The following PRX variants were observed in gnomAD, a reference collection of about 807,000 sequenced individuals.
PRX encodes periaxin.
PRX carries 24 observed loss-of-function variants against 29.6 expected under a neutral mutation model. The ratio of observed to expected loss-of-function variants is 0.81; its 90% CI spans 0.59 to 1.14. The LOEUF (loss-of-function observed/expected upper bound fraction) is 1.14. PRX is among the 50% of genes most tolerant of loss of function. PRX has a pLI of 0.00. For synonymous variants in PRX, 772 were observed against 831.7 expected (o/e 0.93, Z 1.24); for missense variants, 1,838 against 1,926.4 (o/e 0.95, Z 0.86).
chr19:40,398,301 A>C lies in PRX; in HGVS notation c.381+319T>G. The C allele has an allele frequency of 7.0e-7, 1 of 1,421,604 alleles. No homozygotes were observed. Among genetic ancestry groups the C allele is most frequent in the Non-Finnish European group, 9.2e-7 (1 of 1,091,852 alleles). The allele number at this position is 1,421,604 out of a possible 1,614,324, so 88.1% of individuals were successfully genotyped here. The stretch of plus-strand genomic sequence containing the variant: ...GAAACAACTTTGTCCAGGGCCACTC[A>C]GCAGTAATTGGGCCAGCACTCAGGC... On this transcript the variant is annotated intron_variant, in intron 6 of 6. Transcript: ENST00000324001. The surrounding 1 kb of genome is among the most constrained non-coding windows in gnomAD (Gnocchi z 6.3).
chr19:40,403,129 C>T (rs550624959), intron 5 of PRX, among the ~76,000 whole-genome samples: 2 of 152,312 alleles, frequency 1.3e-5, no homozygotes, highest in East Asian at 3.9e-4. Context: ...GAGATCGTGC[C>T]ATTGCACTCC....
At chr19:40,399,192 T>C (rs1568711042) in intron 5 of PRX, among the ~76,000 whole-genome samples, 1 of 152,080 alleles carries the variant, frequency 6.6e-6, no homozygotes, top group Non-Finnish European at 1.5e-5. Flanking sequence ...GCCTTCCTGT[T>C]CCTGGGGATG....
rs757381967 is a variant in PRX at position 40,397,765 on chromosome 19, C to G, written c.587G>C (p.Arg196Pro). Reference protein sequence around the residue: ...RRLQLPRLRVREVAEEAQAAR... With the variant: ...RRLQLPRLRVPEVAEEAQAAR... ...TGCCTGAGCCTCTTCGGCCACTTCTCGTACACGCAGCCGAGGCAGCTGGAG... is the reference window on the plus strand; with the variant it reads ...TGCCTGAGCCTCTTCGGCCACTTCTGGTACACGCAGCCGAGGCAGCTGGAG... The change falls in exon 7 of 7, where the codon CGA becomes CCA. Residue 196 changes from arginine (R) to proline (P), a missense_variant. By Grantham distance (103) the Arg-to-Pro change is moderately radical (BLOSUM62 -2). Around this residue, in one of 3 missense-constraint regions of PRX, gnomAD observed 666 missense variants for 665.0 expected, o/e 1.00. Transcript: ENST00000324001. 10 of 1,566,842 alleles carry G rather than the reference C, an allele frequency of 6.4e-6. No homozygotes were observed. Among genetic ancestry groups the G allele is most frequent in the Admixed American group, 1.9e-5 (1 of 52,086 alleles).
At chr19:40,407,881 C>T (rs184448497) in intron 4 of PRX, 25 bp downstream of exon 4, 2 of 1,612,882 alleles carry the variant, frequency 1.2e-6, no homozygotes, top group East Asian at 4.5e-5. Context: ...CTCAAGTGCG[C>T]CTTGCAGGAC....
chr19:40,411,849 A>G (rs1365614835), intron 1 of PRX, among the ~76,000 whole-genome samples: 1 of 152,156 alleles, frequency 6.6e-6, no homozygotes, highest in African/African-American at 2.4e-5. Flanking sequence ...CCAGCAGCCT[A>G]TTTCTTGGGT....
upstream of PRX, among the ~76,000 whole-genome samples, chr19:40,413,555 A>G (rs897843102): frequency 1.3e-5 from 2 of 152,050 alleles, no homozygotes; most frequent in African/African-American, 4.8e-5. Context: ...GACAGCCACC[A>G]GCCGCCTCTC....
intron 4 of PRX, chr19:40,407,611 C>T (rs1300394490): frequency 1.8e-6 from 1 of 558,288 alleles, no homozygotes; most frequent in Non-Finnish European, 3.2e-6. Context: ...TATGCTGCCT[C>T]TTCTGATGAA....
intron 5 of PRX, among the ~76,000 whole-genome samples, chr19:40,399,913 C>CTTTCTTTCTTTCTTTCTT (rs1568712066): frequency 8.7e-6 from 1 of 114,994 alleles, no homozygotes; most frequent in African/African-American, 3.7e-5. Context: ...CTTTTTCTTT[C>CTTTCTTTCTTTCTTTCTT]TTTCTTTCTT....
rs372715275 is a variant in PRX at position 40,395,102 on chromosome 19, C to T, written c.3250G>A (p.Gly1084Arg). The T allele has an allele frequency of 1.9e-6, 3 of 1,613,784 alleles. No individual in the cohort carries two copies. The African/African-American group carries it at 4.0e-5, about 22-fold the overall frequency. ...AEVQGDRASP[G>R]EKAESTAVQL... Reference sequence around the variant, plus strand: ...ACAGCGGTGGACTCAGCCTTTTCCCCCGGGCTGGCACGATCACCTTGAACT... The same window carrying T: ...ACAGCGGTGGACTCAGCCTTTTCCCTCGGGCTGGCACGATCACCTTGAACT... The change falls in exon 7 of 7, where the codon GGG (glycine) becomes AGG (arginine). Residue 1084 changes from glycine (G) to arginine (R), a missense_variant. Gly to Arg is a moderately radical substitution (Grantham distance 125). Coordinates refer to ENST00000324001, the MANE Select transcript of PRX (RefSeq NM_181882.3).
rs139120811 is a variant in PRX, at chr19:40,394,630, C to T, written c.3722G>A (p.Gly1241Asp). ...TGTGGGCAACTTCAGCCTCAGCCCA[C>T]CCTCGCCTGTGGCCGCCTCGCCCGC... ...AQAGEAATGE[G>D]GLRLKLPTLG... The change falls in exon 7 of 7, where the codon GGT becomes GAT. Residue 1241 changes from glycine to aspartate, a missense_variant. Physicochemically the swap from Gly to Asp is moderately conservative, Grantham distance 94 (BLOSUM62 -1). Around this residue, in one of 3 missense-constraint regions of PRX, gnomAD observed 1,143 missense variants for 1,193.0 expected, o/e 0.96. Transcript: ENST00000324001. The surrounding 1 kb of genome is among the most constrained non-coding windows in gnomAD (Gnocchi z 5.8). 30 of 1,607,548 alleles carry T rather than the reference C, an allele frequency of 1.9e-5. No homozygotes were observed. Among genetic ancestry groups the T allele is most frequent in the Admixed American group, 5.0e-5 (3 of 59,978 alleles).
rs747820251 is a variant in PRX, at chr19:40,395,754, G to A, written c.2598C>T (p.Gly866=). ...TAGCGGCTGGGACCTGCCCCTGCAG[G>A]CCAAGTGCTCCTGGCAGGTCTAGCT... is the stretch of plus-strand genomic sequence containing the variant. ...SVELDLPGAL[G]LQGQVPAAKM... Residue 866 remains glycine (G), a synonymous_variant, in exon 7 of 7, where the codon GGC becomes GGT. Transcript: ENST00000324001. The A allele has an allele frequency of 6.2e-7, 1 of 1,614,074 alleles. No homozygotes were observed. Among genetic ancestry groups the A allele is most frequent in the Non-Finnish European group, 8.5e-7 (1 of 1,180,018 alleles).
At chr19:40,407,212 T>TGTGTGTG (rs2079535328) in intron 4 of PRX, among the ~76,000 whole-genome samples, 3 of 133,844 alleles carry the variant, frequency 2.2e-5, no homozygotes, top group African/African-American at 8.5e-5. Flanking sequence ...TTATATGCCC[T>TGTGTGTG]TGTGTGTGTG....
chr19:40,408,066 T>G lies in PRX; in HGVS notation c.-99-35A>C, dbSNP rs542771189. The G allele has an allele frequency of 1.6e-5, 19 of 1,209,534 alleles. No individual in the cohort carries two copies. In the African/African-American group the frequency reaches 2.9e-4, roughly 18 times the overall value. The allele number at this position is 1,209,534 out of a possible 1,614,324, so 74.9% of individuals were successfully genotyped here. A position where few individuals can be genotyped will look rare whatever the true frequency, so the allele number is the denominator to read the frequency against. Reference sequence around the variant, plus strand: ...GACAGCAGTGGAGGCTTGAGGCCAGTAGGGGACGAGAGGTGGAGGCCATGC... The same window carrying G: ...GACAGCAGTGGAGGCTTGAGGCCAGGAGGGGACGAGAGGTGGAGGCCATGC... On this transcript the variant is annotated intron_variant, in intron 3 of 6. Coordinates refer to ENST00000324001, the MANE Select transcript of PRX (RefSeq NM_181882.3).
Position 40,394,399 on chromosome 19 carries a change from T to C in PRX, c.3953A>G (p.Glu1318Gly), listed in dbSNP as rs2079409023. 6.2e-7 allele frequency: 1 copy of C among 1,600,870 alleles called. No homozygotes were observed. Among genetic ancestry groups the C allele is most frequent in the African/African-American group, 1.3e-5 (1 of 74,484 alleles). ...LPRFGLVRAKEGAEEGEKAKS... is the reference protein window; with the variant it reads ...LPRFGLVRAKGGAEEGEKAKS... Reference sequence around the variant, plus strand: ...GGCCTTCTCACCCTCCTCGGCCCCCTCCTTGGCCCGCACCAGGCCAAACCG... The same window carrying C: ...GGCCTTCTCACCCTCCTCGGCCCCCCCCTTGGCCCGCACCAGGCCAAACCG... The change falls in exon 7 of 7, where the codon GAG becomes GGG. Residue 1318 changes from glutamate (E) to glycine (G), a missense_variant. Glu to Gly is a moderately conservative substitution (Grantham distance 98). This residue lies in a region of PRX where 1,143 missense variants were observed against 1,193.0 expected (regional missense o/e 0.96). Transcript: ENST00000324001. The surrounding 1 kb of genome is among the most constrained non-coding windows in gnomAD (Gnocchi z 5.8).
rs765270572 is a variant in PRX at position 40,395,545 on chromosome 19, A to G, written c.2807T>C (p.Phe936Ser). Residue 936 changes from phenylalanine to serine, a missense_variant, in exon 7 of 7, where the codon TTT (phenylalanine) becomes TCT (serine). Transcript: ENST00000324001. Reference protein sequence around the residue: ...KPSSKFSLPKFGLSGPKVAKA... With the variant: ...KPSSKFSLPKSGLSGPKVAKA... ...AGCCACCTTTGGCCCCGAGAGTCCA[A>G]ACTTAGGTAAGGAGAACTTGGAAGA... is the stretch of plus-strand genomic sequence containing the variant. 1.4e-5 allele frequency: 23 copies of G among 1,614,138 alleles called. No individual in the cohort carries two copies. The East Asian group carries it at 5.1e-4, about 36-fold the overall frequency.
rs149732789 is a variant in PRX, at chr19:40,394,772, G to C, written c.3580C>G (p.Leu1194Val). 4.6e-5 allele frequency: 75 copies of C among 1,613,686 alleles called. No homozygotes were observed. The African/African-American group carries it at 6.8e-4, about 15-fold the overall frequency. Residue 1194 changes from leucine (L) to valine (V), a missense_variant, in exon 7 of 7, where the codon CTG (leucine) becomes GTG (valine). By Grantham distance (32) the Leu-to-Val change is conservative. Transcript: ENST00000324001. The surrounding 1 kb of genome is among the most constrained non-coding windows in gnomAD (Gnocchi z 5.8). ...RVQVPQVTLSLPGAQVAGGEL... is the reference protein window; with the variant it reads ...RVQVPQVTLSVPGAQVAGGEL... ...CCACCTGCAACCTGGGCTCCAGGCA[G>C]AGACAGGGTCACCTGGGGCACCTGA...
Position 40,398,271 on chromosome 19 carries a change from G to A in PRX, c.382-301C>T. The A allele has an allele frequency of 1.4e-6, 2 of 1,415,368 alleles. No homozygotes were observed. Among genetic ancestry groups the A allele is most frequent in the Non-Finnish European group, 1.8e-6 (2 of 1,089,000 alleles). 87.7% of individuals were successfully genotyped at this position (1,415,368 alleles called of 1,614,324 possible). A position where few individuals can be genotyped will look rare whatever the true frequency, so the allele number is the denominator to read the frequency against. On this transcript the variant is annotated intron_variant, in intron 6 of 6. Coordinates refer to ENST00000324001, the MANE Select transcript of PRX (RefSeq NM_181882.3). The surrounding 1 kb of genome is among the most constrained non-coding windows in gnomAD (Gnocchi z 6.3). ...TAGAGATGGGGAAACTGAGGCCCAG[G>A]GAGAGAAACAACTTTGTCCAGGGCC...
intron 4 of PRX, among the ~76,000 whole-genome samples, chr19:40,406,378 T>C (rs917468404): frequency 6.6e-6 from 1 of 151,996 alleles, no homozygotes; most frequent in East Asian, 1.9e-4. Context: ...GAATGCAGTC[T>C]GCAGGATCTC....
Position 40,397,895 on chromosome 19 carries a change from GGGCCA to G in PRX, c.452_456del (p.Leu151ProfsTer3). On this transcript the variant is annotated frameshift_variant, in exon 7 of 7. Coordinates refer to ENST00000324001, the MANE Select transcript of PRX (RefSeq NM_181882.3). LOFTEE classifies it low-confidence loss of function (END_TRUNC). ...GGAAAGGAGAACTCGACGTCAACAGGGGCCAGGTCAGCGGGGACCCCCAGAGCCCC... is the reference window on the plus strand; with the variant it reads ...GGAAAGGAGAACTCGACGTCAACAGGGGTCAGCGGGGACCCCCAGAGCCCC... 6.2e-7 allele frequency: 1 copy of G among 1,612,386 alleles called. No individual in the cohort carries two copies. Among genetic ancestry groups the G allele is most frequent in the African/African-American group, 1.3e-5 (1 of 75,054 alleles).
Sources: allele counts gnomAD v4.1 joint callset (sites outside exome capture counted in the v4.1 genomes callset), GRCh38; gene constraint gnomAD v4.1.1; regional missense constraint gnomAD v4.1.1; non-coding constraint Gnocchi (gnomAD v3.1); transcripts MANE v1.5; gene names NCBI Gene and HGNC (gene_info 2026-07-23, HGNC 2026-07-21).